Variants in CIT observed in about 807,000 individuals in gnomAD.
CIT encodes citron Rho-interacting kinase.
In CIT, 79 loss-of-function variants were observed where a neutral mutation model predicts 272.7. That is an observed-to-expected ratio of 0.29 (90% confidence interval 0.24 to 0.35). The LOEUF (loss-of-function observed/expected upper bound fraction) is 0.35, where lower values mean the gene tolerates loss of function less well. Ranked by LOEUF, CIT falls within the 10% of genes least tolerant of loss-of-function variation. The pLI is 1.00. For missense variants in CIT, 1,909 were observed against 2,618.3 expected, an observed-to-expected ratio of 0.73 and a Z score of 5.91; for synonymous variants, 948 against 995.6, an observed-to-expected ratio of 0.95 and a Z score of 0.90.
intron 6 of CIT, among the ~76,000 whole-genome samples, chr12:119,833,663 CAA>C (rs35433156): frequency 0.16 from 13,557 of 83,832 alleles, 659 homozygotes; most frequent in East Asian, 0.38. Flanking sequence ...GACTCTGTCT[CAA>C]AAAAAAAAAA....
chr12:119,704,267 A>G (rs1956752371), intron 41 of CIT, 96 bp downstream of exon 41: 1 of 1,139,122 alleles, frequency 8.8e-7, no homozygotes, highest in Non-Finnish European at 1.3e-6. Flanking sequence ...AACCCAGTAC[A>G]GGCTGTGTCC....
chr12:119,720,484 C>T lies in CIT; in HGVS notation c.3834G>A (p.Lys1278=). 6.2e-7 allele frequency: 1 copy of T among 1,605,680 alleles called. No homozygotes were observed. The highest frequency in any genetic ancestry group is 8.5e-7 in the Non-Finnish European group (1 of 1,177,110). Residue 1278 remains lysine (K), a synonymous_variant, in exon 30 of 48, where the codon AAG becomes AAA. Transcript: ENST00000392521. ...LQAKMDQPAK[K]KKGLFSRRKE... is the part of the protein sequence containing the mutation. Reference sequence around the variant, plus strand: ...TTCAAACACTTTGACTCACCTTTTTCTTTTTAGCAGGTTGGTCCATTTTGG... The same window carrying T: ...TTCAAACACTTTGACTCACCTTTTTTTTTTTAGCAGGTTGGTCCATTTTGG...
At chr12:119,745,373 G>GAA (rs1959205778) in intron 23 of CIT, among the ~76,000 whole-genome samples, 1 of 2,238 alleles carries the variant, frequency 4.5e-4, no homozygotes, top group Non-Finnish European at 9.2e-4. Context: ...GAAGAAACAA[G>GAA]CAAAAAAAAA....
At position 119,728,136 on chromosome 12, in the gene CIT, C is replaced by T. The variant is rs2137197567; in HGVS notation, c.3591+366G>A. 6.6e-6 allele frequency among the ~76,000 whole-genome samples: 1 copy of T among 152,170 alleles called. No homozygotes were observed. The highest frequency in any genetic ancestry group is 2.1e-4 in the South Asian group (1 of 4,810). ...TTGAGGGTGGGGAGGGATGAACAGGCAGAGTACAGAGGGTTTTTAGGGCAG... is the reference window on the plus strand; with the variant it reads ...TTGAGGGTGGGGAGGGATGAACAGGTAGAGTACAGAGGGTTTTTAGGGCAG... On this transcript the variant is annotated intron_variant, in intron 28 of 47. Coordinates refer to ENST00000392521, the MANE Select transcript of CIT (RefSeq NM_001206999.2). The surrounding 1 kb of genome is among the most constrained non-coding windows in gnomAD (Gnocchi z 4.3).
chr12:119,829,076 C>T (rs1968397256), intron 7 of CIT, among the ~76,000 whole-genome samples: 1 of 152,068 alleles, frequency 6.6e-6, no homozygotes, highest in Admixed American at 6.6e-5. Context: ...CAGGTTCTTT[C>T]ACTAACAAAA....
At chr12:119,709,942 C>T (rs760309554) in intron 39 of CIT, among the ~76,000 whole-genome samples, 68 of 152,022 alleles carry the variant, frequency 4.5e-4, no homozygotes, top group Non-Finnish European at 6.2e-4. Context: ...TCAGGGCCCA[C>T]GGTGGTTTCG....
At chr12:119,865,264 G>A (rs907773846) in intron 3 of CIT, among the ~76,000 whole-genome samples, 1 of 152,100 alleles carries the variant, frequency 6.6e-6, no homozygotes, top group Admixed American at 6.6e-5. Context: ...GTAACCAGAG[G>A]ACAGTCTCAA....
rs912079137 is a variant in CIT, at chr12:119,804,663, A to G, written c.1112-1274T>C. Among the ~76,000 whole-genome samples the G allele has an allele frequency of 1.3e-5, 2 of 152,264 alleles. No individual in the cohort carries two copies. Among genetic ancestry groups the G allele is most frequent in the Non-Finnish European group, 2.9e-5 (2 of 68,050 alleles). ...TTTTCTGCTTACAGACTCCAAAAAAATCTGGCTGTTTCCAAAGTTCCCCGA... is the reference window on the plus strand; with the variant it reads ...TTTTCTGCTTACAGACTCCAAAAAAGTCTGGCTGTTTCCAAAGTTCCCCGA... On this transcript the variant is annotated intron_variant, in intron 9 of 47. Transcript: ENST00000392521. This position sits in a 1 kb window ranked among gnomAD's most constrained non-coding sequence, Gnocchi z 5.3.
At position 119,691,947 on chromosome 12, in the gene CIT, C is replaced by T. The variant is rs118053444; in HGVS notation, c.5883-1493G>A. ...ATATTTTGTTTGATTGAGGCTTTAT[C>T]TTGGAATATAAACTTATTTTATGCT... On this transcript the variant is annotated intron_variant, in intron 46 of 47. Transcript: ENST00000392521. 3.5e-3 allele frequency among the ~76,000 whole-genome samples: 529 copies of T among 152,314 alleles called. 7 individuals carry two copies. Among genetic ancestry groups the T allele is most frequent in the Middle Eastern group, 0.02 (6 of 294 alleles).
chr12:119,695,736 A>G (rs1355827474), intron 46 of CIT, among the ~76,000 whole-genome samples: 2 of 152,172 alleles, frequency 1.3e-5, no homozygotes, highest in Non-Finnish European at 2.9e-5. Context: ...TCGAGGCTGC[A>G]GTGAGCTGGT....
intron 27 of CIT, among the ~76,000 whole-genome samples, chr12:119,729,046 G>A (rs1958285754): frequency 6.6e-6 from 1 of 152,190 alleles, no homozygotes; most frequent in Non-Finnish European, 1.5e-5. Flanking sequence ...CAGCTTATAA[G>A]TTTGATAAGA....
intron 23 of CIT, 120 bp from the exon 24 acceptor site, chr12:119,742,584 T>C (rs2137320400): frequency 1.6e-6 from 1 of 630,692 alleles, no homozygotes; most frequent in Non-Finnish European, 2.7e-6. Flanking sequence ...CACCAGCATC[T>C]GTTTTTCTAA....
intron 18 of CIT, 90 bp from the exon 19 acceptor site, chr12:119,767,272 C>G: frequency 1.1e-6 from 1 of 937,754 alleles, no homozygotes; most frequent in Admixed American, 2.3e-5. Context: ...GACTTTGGTA[C>G]AGGTACCACA....
Position 119,804,201 on chromosome 12 carries a change from T to C in CIT, c.1112-812A>G, listed in dbSNP as rs140547540. ...CACTCCCGGCTGGGGGCGTGTTACA[T>C]CCTCTCCACTTCCTCCGACCTACTA... is the stretch of plus-strand genomic sequence containing the variant. On this transcript the variant is annotated intron_variant, in intron 9 of 47. Transcript: ENST00000392521. This position sits in a 1 kb window ranked among gnomAD's most constrained non-coding sequence, Gnocchi z 5.3. 487 of 985,476 alleles carry C rather than the reference T, an allele frequency of 4.9e-4. 1 individual carries two copies. In the African/African-American group the frequency reaches 7.5e-3, roughly 15 times the overall value. 61.0% of individuals were successfully genotyped at this position (985,476 alleles called of 1,614,324 possible). A position where few individuals can be genotyped will look rare whatever the true frequency, so the allele number is the denominator to read the frequency against.
chr12:119,847,007 C>T (rs1357260085), intron 5 of CIT, among the ~76,000 whole-genome samples: 14 of 150,086 alleles, frequency 9.3e-5, no homozygotes, highest in African/African-American at 2.9e-4. Context: ...TTTCTTGAGA[C>T]GGAGCCTCGC....
chr12:119,850,100 C>T lies in CIT; in HGVS notation c.516+74G>A, dbSNP rs190567150. ...AATGAGACCACATGGGCAAGAACAA[C>T]ATTCAGTTCTACCACAGGCATCTGA... On this transcript the variant is annotated intron_variant, in intron 5 of 47. Coordinates refer to ENST00000392521, the MANE Select transcript of CIT (RefSeq NM_001206999.2). 1.1e-4 allele frequency: 105 copies of T among 943,194 alleles called. No homozygotes were observed. The African/African-American group carries it at 1.6e-3, about 15-fold the overall frequency. 58.4% of individuals were successfully genotyped at this position (943,194 alleles called of 1,614,324 possible).
At chr12:119,739,636 A>G (rs1428004283) in intron 24 of CIT, among the ~76,000 whole-genome samples, 2 of 152,190 alleles carry the variant, frequency 1.3e-5, no homozygotes, top group Non-Finnish European at 2.9e-5. Flanking sequence ...TTTTCCAAAC[A>G]AAAGATTATA....
At chr12:119,772,635 C>T in intron 17 of CIT, 135 bp downstream of exon 17, 1 of 935,086 alleles carries the variant, frequency 1.1e-6, no homozygotes, top group East Asian at 2.8e-5. Context: ...CCCAGCCTCT[C>T]AGGTTTCAAA....
intron 39 of CIT, among the ~76,000 whole-genome samples, chr12:119,709,773 AGAGAGAGAGAGAGAGTGTGTGT>A (rs1297824119): frequency 3.4e-4 from 19 of 55,896 alleles, no homozygotes; most frequent in African/African-American, 1.2e-3. Context: ...AGAGAGAGAG[AGAGAGAGAGAGAGAGTGTGTGT>A]GTGTGTGTGT....
Sources: gnomAD v4.1 joint callset for allele counts (sites outside exome capture counted in the v4.1 genomes callset) on GRCh38, gnomAD v4.1.1 for gene constraint, Gnocchi (gnomAD v3.1) non-coding constraint, MANE v1.5 for transcripts, NCBI Gene and HGNC (gene_info 2026-07-23, HGNC 2026-07-21) for gene names.